The following RABGAP1L variants were observed in gnomAD, a reference collection of about 807,000 sequenced individuals.
RABGAP1L encodes RAB GTPase activating protein 1 like.
Under a neutral mutation model 137.7 loss-of-function variants are expected in RABGAP1L, and 63 were observed. The observed-to-expected ratio is 0.46, with a 90% CI of 0.37 to 0.56. RABGAP1L has a LOEUF of 0.56. RABGAP1L is among the 20% of genes least tolerant of loss of function. The probability of loss-of-function intolerance (pLI) is 0.00; values close to 1 mark genes in which losing one functional copy is unlikely to be tolerated. For synonymous variants in RABGAP1L, 431 were observed against 433.7 expected, an observed-to-expected ratio of 0.99 and a Z score of 0.08; for missense variants, 1,095 against 1,244.0, an observed-to-expected ratio of 0.88 and a Z score of 1.80.
intron 13 of RABGAP1L, among the ~76,000 whole-genome samples, chr1:174,503,194 A>AG (rs1661486943): frequency 6.6e-6 from 1 of 152,212 alleles, no homozygotes; most frequent in African/African-American, 2.4e-5. Context: ...ATTGGAACAC[A>AG]GCTACTCCTG....
At chr1:174,282,756 C>T (rs970318822) in intron 10 of RABGAP1L, among the ~76,000 whole-genome samples, 1 of 152,012 alleles carries the variant, frequency 6.6e-6, no homozygotes, top group African/African-American at 2.4e-5. Flanking sequence ...GGCCTATTAC[C>T]TATTTTCTGT....
chr1:174,772,784 GTC>G (rs937742547), intron 18 of RABGAP1L, among the ~76,000 whole-genome samples: 1 of 151,824 alleles, frequency 6.6e-6, no homozygotes, highest in Non-Finnish European at 1.5e-5. Context: ...TCTGCTTTCT[GTC>G]TCTATGAATT....
chr1:174,572,188 C>G (rs1335353130), intron 13 of RABGAP1L, among the ~76,000 whole-genome samples: 1 of 152,180 alleles, frequency 6.6e-6, no homozygotes, highest in Non-Finnish European at 1.5e-5. Flanking sequence ...GGAGTAAGAC[C>G]AGTCCTTCTA....
Position 174,567,957 on chromosome 1 carries a change from T to C in RABGAP1L, c.1711-69418T>C, listed in dbSNP as rs531659889. ...TAAGCTTTAATTGTAATCTATAATA[T>C]GTGGATATGTGTTAATTCATTCTTG... On this transcript the variant is annotated intron_variant, in intron 13 of 25. Coordinates refer to ENST00000681986, the MANE Select transcript of RABGAP1L (RefSeq NM_001366446.1). 5.3e-5 allele frequency among the ~76,000 whole-genome samples: 8 copies of C among 152,300 alleles called. No homozygotes were observed. In the South Asian group the frequency reaches 1.7e-3, roughly 32 times the overall value.
At chr1:174,877,278 T>C in intron 19 of RABGAP1L, 2 of 774,188 alleles carry the variant, frequency 2.6e-6, no homozygotes, top group Non-Finnish European at 2.1e-6. Flanking sequence ...AAGAAACCTC[T>C]TTTAGTTTCC....
At chr1:174,540,967 T>C (rs371057944) in intron 13 of RABGAP1L, among the ~76,000 whole-genome samples, 19 of 152,128 alleles carry the variant, frequency 1.2e-4, no homozygotes, top group African/African-American at 4.3e-4. Flanking sequence ...TCTTTTATTT[T>C]ATTGAGCAGT....
intron 13 of RABGAP1L, chr1:174,545,730 C>G (rs1263193177): frequency 6.6e-6 from 1 of 152,358 alleles, no homozygotes; most frequent in Non-Finnish European, 1.5e-5. Flanking sequence ...TCGGTTCAAA[C>G]CTGAGTTGTA....
intron 15 of RABGAP1L, among the ~76,000 whole-genome samples, chr1:174,685,659 G>A (rs143014968): frequency 0.061 from 9,281 of 151,840 alleles, 986 homozygotes; most frequent in African/African-American, 0.21. Context: ...CACCTCCTGG[G>A]TTCAAGTGAT....
chr1:174,401,835 A>T (rs541156769), intron 13 of RABGAP1L, among the ~76,000 whole-genome samples: 1 of 152,314 alleles, frequency 6.6e-6, no homozygotes, highest in Admixed American at 6.5e-5. Flanking sequence ...GTGAGGACAA[A>T]GACTGGATAC....
intron 17 of RABGAP1L, among the ~76,000 whole-genome samples, chr1:174,747,521 G>A (rs1029910082): frequency 3.3e-5 from 5 of 150,026 alleles, no homozygotes; most frequent in Non-Finnish European, 7.4e-5. Flanking sequence ...TTCTACTTTA[G>A]TTCAAGGCTT....
At chr1:174,265,396 G>A (rs1259841720) in intron 7 of RABGAP1L, among the ~76,000 whole-genome samples, 2 of 152,048 alleles carry the variant, frequency 1.3e-5, no homozygotes, top group Non-Finnish European at 2.9e-5. Context: ...AAATCTGACT[G>A]TAGCTAAGTT....
At chr1:174,658,422 CCCTT>C (rs1431334570) in intron 14 of RABGAP1L, among the ~76,000 whole-genome samples, 1 of 152,086 alleles carries the variant, frequency 6.6e-6, no homozygotes, top group Non-Finnish European at 1.5e-5. Context: ...CTAGTGTTCT[CCCTT>C]CCTATATTTG....
chr1:174,239,141 G>A (rs1009542200), intron 4 of RABGAP1L, among the ~76,000 whole-genome samples: 2 of 152,108 alleles, frequency 1.3e-5, no homozygotes, highest in Non-Finnish European at 2.9e-5. Flanking sequence ...CACCGTGCGC[G>A]CACCAACTGG....
At chr1:174,604,524 T>A (rs1227864986) in intron 13 of RABGAP1L, among the ~76,000 whole-genome samples, 1 of 152,202 alleles carries the variant, frequency 6.6e-6, no homozygotes, top group Non-Finnish European at 1.5e-5. Flanking sequence ...TGTACCTGAT[T>A]TTTGATTCTC....
chr1:174,804,226 C>T (rs1689028746), intron 18 of RABGAP1L, among the ~76,000 whole-genome samples: 1 of 151,206 alleles, frequency 6.6e-6, no homozygotes, highest in Non-Finnish European at 1.5e-5. Flanking sequence ...TTCAAAATCT[C>T]CCCTTTTCCC....
intron 11 of RABGAP1L, among the ~76,000 whole-genome samples, chr1:174,348,090 A>G (rs1010700579): frequency 6.6e-6 from 1 of 150,780 alleles, no homozygotes; most frequent in South Asian, 2.1e-4. Context: ...CTTTCTTCCT[A>G]TCTTCCTTTC....
At chr1:174,621,556 T>G (rs1313805702) in intron 13 of RABGAP1L, among the ~76,000 whole-genome samples, 2 of 152,094 alleles carry the variant, frequency 1.3e-5, no homozygotes, top group Admixed American at 1.3e-4. Context: ...ACGGCATATC[T>G]AAACCATCTG....
chr1:174,716,301 G>A (rs565862608), intron 17 of RABGAP1L, among the ~76,000 whole-genome samples: 1 of 152,286 alleles, frequency 6.6e-6, no homozygotes, highest in African/African-American at 2.4e-5. Context: ...GTCTTGTTGT[G>A]TTGCCGAGAG....
chr1:174,690,030 T>G (rs972503215), intron 15 of RABGAP1L, among the ~76,000 whole-genome samples: 2 of 152,206 alleles, frequency 1.3e-5, no homozygotes, highest in African/African-American at 4.8e-5. Context: ...TTAATTCTTA[T>G]GAAGTGCTTT....
Sources: gnomAD v4.1 joint callset for allele counts (sites outside exome capture counted in the v4.1 genomes callset) on GRCh38, gnomAD v4.1.1 for gene constraint, MANE v1.5 for transcripts, NCBI Gene and HGNC (gene_info 2026-07-23, HGNC 2026-07-21) for gene names.